The following VIT variants were observed in gnomAD, a reference collection of about 807,000 sequenced individuals.
VIT encodes the protein vitrin.
VIT carries 99 observed loss-of-function variants against 78.0 expected under a neutral mutation model. The ratio of observed to expected loss-of-function variants is 1.27; its 90% CI spans 1.08 to 1.50. The LOEUF is 1.50. Among genes scored for constraint, VIT ranks in the 40% most tolerant of loss-of-function variants. The pLI, the probability that VIT is intolerant of heterozygous loss-of-function variation, is 0.00. For synonymous variants in VIT, 374 were observed against 334.3 expected, an observed-to-expected ratio of 1.12 and a Z score of -1.29; for missense variants, 1,126 against 875.3, an observed-to-expected ratio of 1.29 and a Z score of -3.61.
Position 36,801,399 on chromosome 2 carries a change from A to C in VIT, c.1157A>C (p.Asn386Thr). The C allele has an allele frequency of 6.2e-7, 1 of 1,607,716 alleles. No individual in the cohort carries two copies. Among genetic ancestry groups the C allele is most frequent in the Non-Finnish European group, 8.5e-7 (1 of 1,174,528 alleles). ...EKITQRGGLS[N>T]VGRAISFVTK... ...ATTACTCAGAGAGGAGGACTTTCTA[A>C]TGTAGGTATGTGATCCGGATTCAAA... The change falls in exon 13 of 16, where the codon AAT (asparagine) becomes ACT (threonine). Residue 386 changes from asparagine (N) to threonine (T), a missense_variant. Coordinates refer to ENST00000379242, the MANE Select transcript of VIT (RefSeq NM_053276.4).
At chr2:36,757,355 C>G (rs1360138238) in intron 5 of VIT, among the ~76,000 whole-genome samples, 1 of 152,190 alleles carries the variant, frequency 6.6e-6, no homozygotes, top group Non-Finnish European at 1.5e-5. Context: ...TTTACACAGT[C>G]CAGGGATATG....
chr2:36,810,255 G>A (rs1440945358), intron 15 of VIT, among the ~76,000 whole-genome samples: 6 of 149,664 alleles, frequency 4.0e-5, no homozygotes, highest in African/African-American at 1.2e-4. Context: ...TCGTGCCATT[G>A]CACTCCAGCC....
At position 36,743,228 on chromosome 2, in the gene VIT, T is replaced by C. The variant is rs202020486; in HGVS notation, c.247T>C (p.Ser83Pro). 6.2e-7 allele frequency: 1 copy of C among 1,614,040 alleles called. No individual in the cohort carries two copies. The highest frequency in any genetic ancestry group is 8.5e-7 in the Non-Finnish European group (1 of 1,179,918). The change falls in exon 4 of 16, where the codon TCC becomes CCC. Residue 83 changes from serine (S) to proline (P), a missense_variant. Coordinates refer to ENST00000379242, the MANE Select transcript of VIT (RefSeq NM_053276.4). ...VYGTDVYASY[S>P]SVCGAAVHSG... is the part of the protein sequence containing the mutation. ...TGGCACTGACGTGTATGCATCCTAC[T>C]CCAGTGTGTGTGGCGCTGCCGTACA...
chr2:36,720,359 T>C (rs1189258853), intron 2 of VIT, among the ~76,000 whole-genome samples: 2 of 152,206 alleles, frequency 1.3e-5, no homozygotes, highest in Non-Finnish European at 2.9e-5. Context: ...TAACTGATTT[T>C]TAACAAAGGT....
At chr2:36,792,801 T>G (rs1207449675) in intron 12 of VIT, among the ~76,000 whole-genome samples, 1 of 152,148 alleles carries the variant, frequency 6.6e-6, no homozygotes, top group Non-Finnish European at 1.5e-5. Context: ...TCCAGAGGGC[T>G]GGGGGAGCTC....
At chr2:36,699,959 A>G (rs568854456) in intron 1 of VIT, among the ~76,000 whole-genome samples, 19 of 152,194 alleles carry the variant, frequency 1.2e-4, no homozygotes, top group African/African-American at 4.6e-4. Flanking sequence ...TGGGTCTATT[A>G]CTACTGCCTA....
intron 3 of VIT, among the ~76,000 whole-genome samples, chr2:36,741,430 C>G (rs1054203976): frequency 6.6e-6 from 1 of 152,296 alleles, no homozygotes; most frequent in African/African-American, 2.4e-5. Context: ...CTCAACCCCT[C>G]GGTTCCCAGC....
intron 4 of VIT, among the ~76,000 whole-genome samples, chr2:36,744,618 T>C (rs1668026907): frequency 1.3e-5 from 2 of 152,220 alleles, no homozygotes; most frequent in Non-Finnish European, 2.9e-5. Context: ...TGCTTGTATG[T>C]TTTCTTTTGA....
intron 9 of VIT, among the ~76,000 whole-genome samples, chr2:36,777,053 C>T (rs922386197): frequency 3.9e-5 from 5 of 128,584 alleles, no homozygotes; most frequent in Admixed American, 1.8e-4. Flanking sequence ...CACGCCACTG[C>T]ACTCCAGCCT....
At chr2:36,730,184 A>G (rs904230460) in intron 3 of VIT, among the ~76,000 whole-genome samples, 2 of 151,550 alleles carry the variant, frequency 1.3e-5, no homozygotes, top group African/African-American at 4.8e-5. Context: ...GCCATTAGGG[A>G]GGCTGAGGCA....
chr2:36,763,583 CTTTTTTTTTTTTT>C (rs70946947), intron 6 of VIT, among the ~76,000 whole-genome samples: 1 of 60,434 alleles, frequency 1.7e-5, no homozygotes, highest in Non-Finnish European at 3.1e-5. Context: ...TCTATCTTCC[CTTTTTTTTTTTTT>C]TTTTTTTTTT....
At position 36,814,445 on chromosome 2, in the gene VIT, G is replaced by T. The variant is rs1177520804; in HGVS notation, c.*84G>T. The T allele has an allele frequency of 8.7e-6, 13 of 1,488,880 alleles. No homozygotes were observed. The allele number at this position is 1,488,880 out of a possible 1,614,324, so 92.2% of individuals were successfully genotyped here. On this transcript the variant is annotated 3_prime_UTR_variant, in exon 16 of 16. Coordinates refer to ENST00000379242, the MANE Select transcript of VIT (RefSeq NM_053276.4). ...CCCACCGCTTAATGGGGCACGCACG[G>T]TGCATCAAGTCTTGGGCAGGGCATG...
chr2:36,812,593 T>A (rs972235698), intron 15 of VIT, among the ~76,000 whole-genome samples: 1 of 152,250 alleles, frequency 6.6e-6, no homozygotes, highest in East Asian at 1.9e-4. Flanking sequence ...ACCTGCAGTC[T>A]TATTTTACTC....
In VIT at chr2:36,787,205, G is replaced by A. The variant is rs772729482; in HGVS notation, c.987G>A (p.Gln329=). 9.9e-6 allele frequency: 16 copies of A among 1,614,108 alleles called. No individual in the cohort carries two copies. The highest frequency in any genetic ancestry group is 1.4e-5 in the Non-Finnish European group (16 of 1,180,052). The change falls in exon 12 of 16, where the codon CAG becomes CAA. Residue 329 remains glutamine (Q), a synonymous_variant. Coordinates refer to ENST00000379242, the MANE Select transcript of VIT (RefSeq NM_053276.4). ...AACGGCGATTCCGAATCCAGAAGCA[G>A]CTCCTGGCTGATGTTGCCCAAGCTC... ...IGKRRFRIQK[Q]LLADVAQALD...
intron 12 of VIT, among the ~76,000 whole-genome samples, chr2:36,798,959 C>T (rs1294733304): frequency 6.6e-6 from 1 of 152,134 alleles, no homozygotes; most frequent in Non-Finnish European, 1.5e-5. Context: ...CCCCATTTCC[C>T]CCATTCTGCT....
chr2:36,794,318 T>A (rs10184754), intron 12 of VIT, among the ~76,000 whole-genome samples: 13,115 of 110,600 alleles, frequency 0.12, 752 homozygotes, highest in African/African-American at 0.21. Flanking sequence ...AGGAAATCTT[T>A]GATATTCCCT....
chr2:36,771,650 C>T (rs1353070586), intron 7 of VIT, among the ~76,000 whole-genome samples: 1 of 151,444 alleles, frequency 6.6e-6, no homozygotes, highest in Admixed American at 6.6e-5. Context: ...ATCGATAATA[C>T]ACAGTTTGGA....
At chr2:36,802,982 AG>A (rs1666439745) in intron 13 of VIT, among the ~76,000 whole-genome samples, 1 of 152,220 alleles carries the variant, frequency 6.6e-6, no homozygotes, top group African/African-American at 2.4e-5. Context: ...CCTTCTTCCA[AG>A]ATTAGGAAAT....
chr2:36,731,645 T>A (rs1370762092), intron 3 of VIT, among the ~76,000 whole-genome samples: 1 of 152,156 alleles, frequency 6.6e-6, no homozygotes, highest in Non-Finnish European at 1.5e-5. Context: ...AAAAGAAGAA[T>A]TGATATTGGG....
Sources: gnomAD v4.1 joint callset for allele counts (sites outside exome capture counted in the v4.1 genomes callset) on GRCh38, gnomAD v4.1.1 for gene constraint, MANE v1.5 for transcripts, NCBI Gene and HGNC (gene_info 2026-07-23, HGNC 2026-07-21) for gene names.